ALG14: variants seen among roughly 807,000 people sequenced by gnomAD.
The protein encoded by ALG14 is ALG14 UDP-N-acetylglucosaminyltransferase subunit, also known as UDP-N-acetylglucosamine transferase subunit ALG14.
ALG14 carries 17 observed loss-of-function variants against 22.8 expected under a neutral mutation model. The ratio of observed to expected loss-of-function variants is 0.75; its 90% confidence interval spans 0.51 to 1.12. The LOEUF (loss-of-function observed/expected upper bound fraction) is 1.12. Among genes scored for constraint, ALG14 ranks in the 50% most tolerant of loss-of-function variants. The pLI is 0.00. For missense variants in ALG14, 288 were observed against 271.8 expected (o/e 1.06, Z -0.42); for synonymous variants, 89 against 103.7 (o/e 0.86, Z 0.86).
intron 2 of ALG14, 135 bp from the exon 3 acceptor site, chr1:95,027,395 G>T: frequency 9.5e-7 from 1 of 1,053,082 alleles, no homozygotes; most frequent in Non-Finnish European, 1.4e-6. Flanking sequence ...TTAAATTAGA[G>T]TTGTAATGCC....
chr1:95,007,868 G>C (rs1233110762), intron 3 of ALG14, among the ~76,000 whole-genome samples: 1 of 152,190 alleles, frequency 6.6e-6, no homozygotes, highest in African/African-American at 2.4e-5. Context: ...AGCTGCCCAA[G>C]TTTCAACATG....
rs556622676 is a variant in ALG14, at chr1:95,054,244, T to C, written c.288+10622A>G. Among the ~76,000 whole-genome samples the C allele has an allele frequency of 1.9e-4, 29 of 152,344 alleles. No individual in the cohort carries two copies. In the South Asian group the frequency reaches 4.8e-3, roughly 25 times the overall value. ...AAGGAGGGGCCTGGTGGGAGATGAC[T>C]GGATCATGGGGGTAGAGTTCTCATG... On this transcript the variant is annotated intron_variant, in intron 2 of 3. Coordinates refer to ENST00000370205, the MANE Select transcript of ALG14 (RefSeq NM_144988.4).
chr1:95,035,151 G>T (rs1368391029), intron 2 of ALG14, among the ~76,000 whole-genome samples: 1 of 152,164 alleles, frequency 6.6e-6, no homozygotes, highest in Non-Finnish European at 1.5e-5. Context: ...AGTCAGCTGG[G>T]TTATATGTTC....
chr1:95,010,013 A>G (rs1673320258), intron 3 of ALG14, among the ~76,000 whole-genome samples: 1 of 152,208 alleles, frequency 6.6e-6, no homozygotes, highest in African/African-American at 2.4e-5. Context: ...ATTAACCCAA[A>G]TAATTACAGA....
intron 2 of ALG14, among the ~76,000 whole-genome samples, chr1:95,031,050 A>G (rs1673985838): frequency 6.6e-6 from 1 of 152,066 alleles, no homozygotes. Context: ...CTGGGAGGGG[A>G]GTCTTGGTTC....
chr1:95,002,459 C>T (rs1348148010), intron 3 of ALG14, among the ~76,000 whole-genome samples: 1 of 152,000 alleles, frequency 6.6e-6, no homozygotes, highest in Non-Finnish European at 1.5e-5. Flanking sequence ...AACGCCAGGA[C>T]AGCAAAAGCC....
Position 95,056,027 on chromosome 1 carries a change from C to T in ALG14, c.288+8839G>A, listed in dbSNP as rs1252007481. Among the ~76,000 whole-genome samples the T allele has an allele frequency of 3.5e-5, 5 of 144,300 alleles. No individual in the cohort carries two copies. In the East Asian group the frequency reaches 1.0e-3, roughly 29 times the overall value. 94.7% of individuals were successfully genotyped at this position (144,300 alleles called of 152,430 possible). ...CTGTCTCAAAAAAAAAAAAACAAAA[C>T]AAAAACAAAAACAAAAAAAAACTTC... On this transcript the variant is annotated intron_variant, in intron 2 of 3. Transcript: ENST00000370205.
chr1:95,003,408 C>T (rs1003154838), intron 3 of ALG14, among the ~76,000 whole-genome samples: 1 of 150,842 alleles, frequency 6.6e-6, no homozygotes, highest in Non-Finnish European at 1.5e-5. Flanking sequence ...TTTAAAAGTT[C>T]AAGAGTTGTT....
At chr1:95,001,989 T>C (rs1212511861) in intron 3 of ALG14, among the ~76,000 whole-genome samples, 1 of 152,232 alleles carries the variant, frequency 6.6e-6, no homozygotes, top group Non-Finnish European at 1.5e-5. Context: ...CAGAAAGGCA[T>C]GATTTTCTAA....
intron 2 of ALG14, among the ~76,000 whole-genome samples, chr1:95,045,204 A>C (rs1218912262): frequency 1.3e-5 from 2 of 151,968 alleles, no homozygotes; most frequent in Non-Finnish European, 2.9e-5. Context: ...TCTTTTGTTG[A>C]TTTTGTTTCT....
At chr1:95,018,283 C>G (rs1000547029) in intron 3 of ALG14, among the ~76,000 whole-genome samples, 12 of 152,038 alleles carry the variant, frequency 7.9e-5, no homozygotes, top group African/African-American at 2.9e-4. Flanking sequence ...GGTCTGTAAT[C>G]CCAGCACTTT....
chr1:95,071,202 G>A (rs1161010438), intron 1 of ALG14, among the ~76,000 whole-genome samples: 1 of 152,170 alleles, frequency 6.6e-6, no homozygotes, highest in African/African-American at 2.4e-5. Flanking sequence ...GAGGCCTGTG[G>A]TCTTAACCCC....
intron 3 of ALG14, among the ~76,000 whole-genome samples, chr1:95,002,248 G>A (rs180983310): frequency 6.6e-5 from 10 of 152,238 alleles, no homozygotes; most frequent in African/African-American, 1.7e-4. Flanking sequence ...AGTACCTGGG[G>A]GGGGGAACCT....
intron 3 of ALG14, among the ~76,000 whole-genome samples, 165 bp downstream of exon 3, chr1:95,026,964 C>G (rs1287126105): frequency 2.6e-5 from 4 of 152,184 alleles, no homozygotes; most frequent in African/African-American, 7.2e-5. Context: ...TCTTACAGTT[C>G]TGGAGCCTGG....
At chr1:95,047,591 G>A (rs1194036051) in intron 2 of ALG14, among the ~76,000 whole-genome samples, 1 of 152,086 alleles carries the variant, frequency 6.6e-6, no homozygotes, top group Non-Finnish European at 1.5e-5. Context: ...TGATCTGCCC[G>A]CCTTGGCCTC....
rs34055488 is a variant in ALG14 at position 95,042,305 on chromosome 1, T to TACACAC, written c.289-15051_289-15046dup. Among the ~76,000 whole-genome samples, 115 of 150,312 alleles carry TACACAC rather than the reference T, an allele frequency of 7.7e-4. 1 individual carries two copies. The highest frequency in any genetic ancestry group is 4.8e-3 in the Admixed American group (73 of 15,098). ...CCTTTGCTTATCTTTGATTTAAACA[T>TACACAC]ACACACACACACACACACACACATA... On this transcript the variant is annotated intron_variant, in intron 2 of 3. Coordinates refer to ENST00000370205, the MANE Select transcript of ALG14 (RefSeq NM_144988.4).
intron 2 of ALG14, among the ~76,000 whole-genome samples, chr1:95,063,480 G>A (rs1435554025): frequency 6.6e-6 from 1 of 152,112 alleles, no homozygotes; most frequent in Non-Finnish European, 1.5e-5. Flanking sequence ...TAAAGTGTAA[G>A]GAAGGAATCC....
At chr1:95,065,500 G>A (rs977166748) in intron 1 of ALG14, among the ~76,000 whole-genome samples, 1 of 152,216 alleles carries the variant, frequency 6.6e-6, no homozygotes. Flanking sequence ...GCCACTGGGT[G>A]GAGATGGGGA....
intron 2 of ALG14, among the ~76,000 whole-genome samples, chr1:95,053,759 C>G (rs1449688789): frequency 6.6e-6 from 1 of 152,118 alleles, no homozygotes; most frequent in East Asian, 1.9e-4. Flanking sequence ...ATCAAGAAGT[C>G]AAAACAATTT....
Sources: gnomAD v4.1 joint callset for allele counts (sites outside exome capture counted in the v4.1 genomes callset) on GRCh38, gnomAD v4.1.1 for gene constraint, MANE v1.5 for transcripts, NCBI Gene and HGNC (gene_info 2026-07-23, HGNC 2026-07-21) for gene names.